Variants in GRID2 observed in about 807,000 individuals in gnomAD.
The protein encoded by GRID2 is glutamate ionotropic receptor delta type subunit 2.
In GRID2, 33 loss-of-function variants were observed where a neutral mutation model predicts 114.8. That is an observed-to-expected ratio of 0.29 (90% CI 0.22 to 0.38). GRID2 has a LOEUF of 0.38. GRID2 is among the 10% of genes least tolerant of loss of function. The probability of loss-of-function intolerance (pLI) is 1.00; values close to 1 mark genes in which losing one functional copy is unlikely to be tolerated. For synonymous variants in GRID2, 505 were observed against 449.9 expected (o/e 1.12, Z -1.55); for missense variants, 1,184 against 1,257.7 (o/e 0.94, Z 0.89).
rs554544409 is a variant in GRID2 at position 93,145,475 on chromosome 4, T to A, written c.735+34522T>A. 1.6e-3 allele frequency among the ~76,000 whole-genome samples: 151 copies of A among 96,126 alleles called. 1 individual carries two copies. Among genetic ancestry groups the A allele is most frequent in the Admixed American group, 3.7e-3 (28 of 7,648 alleles). The allele number at this position is 96,126 out of a possible 152,430, so 63.1% of individuals were successfully genotyped here. On this transcript the variant is annotated intron_variant, in intron 4 of 15. Transcript: ENST00000282020. ...TTTGTATTTATTTATTTATTTATTTTTTTTTGAGACAGTTTCACTCTTGTC... is the reference window on the plus strand; with the variant it reads ...TTTGTATTTATTTATTTATTTATTTATTTTTGAGACAGTTTCACTCTTGTC...
At chr4:93,108,035 A>G (rs575391656) in intron 3 of GRID2, among the ~76,000 whole-genome samples, 8 of 152,250 alleles carry the variant, frequency 5.3e-5, no homozygotes, top group South Asian at 2.1e-4. Flanking sequence ...GTGGTCTCCT[A>G]TAGATTTTTG....
intron 2 of GRID2, among the ~76,000 whole-genome samples, chr4:92,881,231 C>G (rs1745989127): frequency 6.6e-6 from 1 of 152,110 alleles, no homozygotes. Context: ...TAAAAATACA[C>G]TCACTCATTC....
intron 10 of GRID2, among the ~76,000 whole-genome samples, chr4:93,445,474 C>A (rs1560626306): frequency 1.3e-5 from 2 of 151,882 alleles, no homozygotes; most frequent in African/African-American, 4.8e-5. Flanking sequence ...TATTTTTCAT[C>A]TTAGTTTTGC....
At chr4:93,776,838 AT>A (rs1734380639), downstream of GRID2, among the ~76,000 whole-genome samples, 1 of 152,232 alleles carries the variant, frequency 6.6e-6, no homozygotes, top group Admixed American at 6.5e-5. Flanking sequence ...CTTGCATACC[AT>A]TCAGAGACTG....
chr4:93,550,724 A>C (rs550590234), intron 13 of GRID2, among the ~76,000 whole-genome samples: 1 of 152,344 alleles, frequency 6.6e-6, no homozygotes, highest in African/African-American at 2.4e-5. Context: ...ATGTTGAATA[A>C]TCCTTAAATA....
intron 14 of GRID2, among the ~76,000 whole-genome samples, chr4:93,719,932 C>G (rs1475331542): frequency 1.3e-5 from 2 of 152,126 alleles, no homozygotes; most frequent in Non-Finnish European, 2.9e-5. Context: ...TTGCAGAATT[C>G]TCTCCCTGGT....
chr4:92,862,865 T>C (rs2149436930), intron 2 of GRID2, among the ~76,000 whole-genome samples: 1 of 152,220 alleles, frequency 6.6e-6, no homozygotes, highest in South Asian at 2.1e-4. Context: ...CTCAGTGCTC[T>C]AAATACTGCT....
intron 2 of GRID2, among the ~76,000 whole-genome samples, chr4:92,945,862 G>C (rs1176640162): frequency 6.6e-6 from 1 of 152,008 alleles, no homozygotes; most frequent in Non-Finnish European, 1.5e-5. Flanking sequence ...CCCTCTAAGT[G>C]TATTTTAGGA....
In GRID2 at chr4:92,635,766, T is replaced by C. The variant is rs575640544; in HGVS notation, c.244+45480T>C. On this transcript the variant is annotated intron_variant, in intron 2 of 15. Coordinates refer to ENST00000282020, the MANE Select transcript of GRID2 (RefSeq NM_001510.4). Reference sequence around the variant, plus strand: ...AGTGATTGAAAATGATCTTCAGTATTTCAATGATTTCAGGTACACCATGTT... The same window carrying C: ...AGTGATTGAAAATGATCTTCAGTATCTCAATGATTTCAGGTACACCATGTT... 4.6e-5 allele frequency among the ~76,000 whole-genome samples: 7 copies of C among 152,222 alleles called. 1 individual carries two copies. The South Asian group carries it at 1.4e-3, about 32-fold the overall frequency.
intron 13 of GRID2, among the ~76,000 whole-genome samples, chr4:93,539,533 C>T (rs114844766): frequency 1.1e-3 from 160 of 152,140 alleles, no homozygotes; most frequent in African/African-American, 3.8e-3. Flanking sequence ...TTTCCCTTAG[C>T]ATGTGTTAGG....
chr4:92,843,488 A>G (rs1462119391), intron 2 of GRID2, among the ~76,000 whole-genome samples: 1 of 152,110 alleles, frequency 6.6e-6, no homozygotes, highest in Non-Finnish European at 1.5e-5. Context: ...AAAATATGTT[A>G]TTACTTAAAA....
intron 13 of GRID2, among the ~76,000 whole-genome samples, chr4:93,565,782 T>G (rs1735352363): frequency 1.3e-5 from 2 of 152,342 alleles, no homozygotes; most frequent in South Asian, 4.1e-4. Flanking sequence ...TTTCTTCGCA[T>G]TTAGAGTCTA....
chr4:93,111,622 C>A (rs2149352430), intron 4 of GRID2, among the ~76,000 whole-genome samples: 1 of 152,154 alleles, frequency 6.6e-6, no homozygotes, highest in African/African-American at 2.4e-5. Flanking sequence ...AGTTTATTGT[C>A]ATGTCTTTTT....
intron 2 of GRID2, among the ~76,000 whole-genome samples, chr4:93,071,792 A>C (rs1728829825): frequency 2.0e-5 from 3 of 152,172 alleles, no homozygotes; most frequent in Middle Eastern, 3.2e-3. Context: ...GTTCTCATGA[A>C]GAGTTATGAT....
intron 2 of GRID2, among the ~76,000 whole-genome samples, chr4:93,065,765 A>G (rs889727848): frequency 1.1e-4 from 16 of 151,992 alleles, no homozygotes; most frequent in African/African-American, 3.6e-4. Context: ...AATTTTATCT[A>G]CAACTGTTAA....
At chr4:93,227,129 A>C (rs1358351117) in intron 7 of GRID2, among the ~76,000 whole-genome samples, 2 of 151,958 alleles carry the variant, frequency 1.3e-5, no homozygotes, top group Non-Finnish European at 2.9e-5. Flanking sequence ...ATTCCTTTTA[A>C]ATCTTTCTCC....
intron 3 of GRID2, among the ~76,000 whole-genome samples, chr4:93,087,591 G>A (rs1343063445): frequency 6.6e-6 from 1 of 152,004 alleles, no homozygotes; most frequent in Non-Finnish European, 1.5e-5. Flanking sequence ...TTTTATTTGA[G>A]TAAATAAGAT....
At chr4:92,936,102 TAAAC>T (rs1361783120) in intron 2 of GRID2, among the ~76,000 whole-genome samples, 2 of 146,782 alleles carry the variant, frequency 1.4e-5, no homozygotes, top group Non-Finnish European at 3.0e-5. Flanking sequence ...ATTGAAATGT[TAAAC>T]AAAAGAAATG....
At chr4:93,438,153 T>C (rs1721279202) in intron 10 of GRID2, among the ~76,000 whole-genome samples, 1 of 152,236 alleles carries the variant, frequency 6.6e-6, no homozygotes, top group South Asian at 2.1e-4. Context: ...CCTGGCATCA[T>C]AGATACAAAG....
Sources: allele counts gnomAD v4.1 joint callset (sites outside exome capture counted in the v4.1 genomes callset), GRCh38; gene constraint gnomAD v4.1.1; transcripts MANE v1.5; gene names NCBI Gene and HGNC (gene_info 2026-07-23, HGNC 2026-07-21).